The following PAX8 variants were observed in gnomAD, a reference collection of about 807,000 sequenced individuals.
PAX8 encodes the protein paired box protein Pax-8.
Under a neutral mutation model 52.4 loss-of-function variants are expected in PAX8, and 15 were observed. That is an observed-to-expected ratio of 0.29 (90% CI 0.19 to 0.44). The LOEUF is 0.44. Among genes scored for constraint, PAX8 ranks in the 20% least tolerant of loss-of-function variants. PAX8 has a pLI of 1.00. For synonymous variants in PAX8, 284 were observed against 249.7 expected, an observed-to-expected ratio of 1.14 and a Z score of -1.29; for missense variants, 554 against 602.5, an observed-to-expected ratio of 0.92 and a Z score of 0.84.
intron 2 of PAX8, chr2:113,267,330 C>G (rs979809818): frequency 6.6e-6 from 1 of 152,262 alleles, no homozygotes; most frequent in Non-Finnish European, 1.5e-5. Flanking sequence ...CTGTGAACCC[C>G]AGAGACCTAG....
chr2:113,251,830 C>T (rs905593804), intron 2 of PAX8, among the ~76,000 whole-genome samples: 8 of 152,168 alleles, frequency 5.3e-5, no homozygotes, highest in African/African-American at 1.9e-4. Flanking sequence ...TCCTATAGTC[C>T]TTTGCACAAA....
chr2:113,219,558 A>G (rs1319554276), intron 11 of PAX8, among the ~76,000 whole-genome samples: 1 of 152,196 alleles, frequency 6.6e-6, no homozygotes, highest in African/African-American at 2.4e-5. Context: ...CTCAGGCTAA[A>G]TATGGGGAAT....
chr2:113,230,982 C>T (rs1178409537), intron 9 of PAX8, among the ~76,000 whole-genome samples: 1 of 152,180 alleles, frequency 6.6e-6, no homozygotes. Context: ...CTCTAGCTCC[C>T]CCTACACCTT....
At chr2:113,235,031 G>A (rs919634056) in intron 9 of PAX8, among the ~76,000 whole-genome samples, 2 of 152,160 alleles carry the variant, frequency 1.3e-5, no homozygotes, top group African/African-American at 4.8e-5. Context: ...ATCCAGAAAT[G>A]GGCTCCAAAA....
intron 10 of PAX8, 28 bp downstream of exon 10, chr2:113,227,127 C>T (rs1371237571): frequency 3.9e-6 from 6 of 1,558,092 alleles, no homozygotes; most frequent in African/African-American, 2.7e-5. Context: ...CTTTGCAGTG[C>T]TCCCCTTCCT....
chr2:113,229,078 G>A (rs1014103711), intron 9 of PAX8, among the ~76,000 whole-genome samples: 2 of 152,174 alleles, frequency 1.3e-5, no homozygotes, highest in African/African-American at 4.8e-5. Context: ...AAGGGACATA[G>A]GCTGGGATAG....
intron 10 of PAX8, among the ~76,000 whole-genome samples, chr2:113,222,019 AAAACT>A (rs1689299411): frequency 1.3e-5 from 2 of 152,370 alleles, no homozygotes; most frequent in South Asian, 4.1e-4. Context: ...TAACAGATGA[AAAACT>A]AAGAAATAAT....
At chr2:113,274,755 T>G (rs1287564333) in intron 2 of PAX8, 1 of 152,226 alleles carries the variant, frequency 6.6e-6, no homozygotes, top group Non-Finnish European at 1.5e-5. Flanking sequence ...AATTGGCTCT[T>G]ACAAAAATGA....
At chr2:113,224,839 T>TAAAATAAA (rs1480934593) in intron 10 of PAX8, among the ~76,000 whole-genome samples, 14 of 143,634 alleles carry the variant, frequency 9.7e-5, no homozygotes, top group African/African-American at 3.4e-4. Flanking sequence ...TAAAATAAAA[T>TAAAATAAA]ATAAAATAAA....
At chr2:113,218,755 C>G in intron 11 of PAX8, 146 bp from the exon 12 acceptor site, 1 of 570,980 alleles carries the variant, frequency 1.8e-6, no homozygotes, top group East Asian at 3.0e-5. Context: ...AGATTAACTC[C>G]TCTCCAGCCC....
chr2:113,223,675 T>C (rs1205688188), intron 10 of PAX8, among the ~76,000 whole-genome samples: 4 of 152,234 alleles, frequency 2.6e-5, no homozygotes, highest in Non-Finnish European at 5.9e-5. Context: ...TCTAAAGTAG[T>C]TATCTCCTCT....
At chr2:113,226,975 A>G in intron 10 of PAX8, 180 bp downstream of exon 10, 1 of 1,514,600 alleles carries the variant, frequency 6.6e-7, no homozygotes, top group Non-Finnish European at 8.8e-7. Flanking sequence ...ATAGGGAGTC[A>G]GGACTGCACT....
chr2:113,235,109 A>G (rs1690165092), intron 9 of PAX8, among the ~76,000 whole-genome samples: 2 of 152,332 alleles, frequency 1.3e-5, no homozygotes, highest in South Asian at 4.1e-4. Flanking sequence ...ACCAAGGCCA[A>G]GTTGCTACGT....
chr2:113,235,117 C>T (rs745921842), intron 9 of PAX8, among the ~76,000 whole-genome samples: 1 of 152,224 alleles, frequency 6.6e-6, no homozygotes, highest in Admixed American at 6.5e-5. Context: ...CAAGTTGCTA[C>T]GTTACAGCAC....
At chr2:113,224,406 G>GTGTGGT (rs990587880) in intron 10 of PAX8, among the ~76,000 whole-genome samples, 5 of 152,072 alleles carry the variant, frequency 3.3e-5, no homozygotes, top group Non-Finnish European at 5.9e-5. Flanking sequence ...AATTAGCCAG[G>GTGTGGT]TGTGGTGGTG....
intron 11 of PAX8, 75 bp from the exon 12 acceptor site, chr2:113,218,684 C>T: frequency 1.1e-6 from 1 of 897,948 alleles, no homozygotes; most frequent in Non-Finnish European, 1.8e-6. Context: ...TTCCCTGCAT[C>T]TGCTGACCTT....
intron 2 of PAX8, chr2:113,270,462 C>G (rs1012746431): frequency 6.6e-6 from 1 of 152,164 alleles, no homozygotes; most frequent in African/African-American, 2.4e-5. Flanking sequence ...CCGGGCTTTG[C>G]CTTCTTCTTC....
chr2:113,227,524 C>T (rs561200145), intron 9 of PAX8, among the ~76,000 whole-genome samples: 10 of 152,338 alleles, frequency 6.6e-5, no homozygotes, highest in East Asian at 3.9e-4. Context: ...GTTTTGTTTA[C>T]GTGATTGTTA....
intron 4 of PAX8, among the ~76,000 whole-genome samples, chr2:113,243,740 ACTGT>A (rs1415795625): frequency 1.3e-5 from 2 of 152,188 alleles, no homozygotes; most frequent in Non-Finnish European, 2.9e-5. Context: ...CCTTTGCATA[ACTGT>A]CTGAGCTCTT....
Sources: gnomAD v4.1 joint callset for allele counts (sites outside exome capture counted in the v4.1 genomes callset) on GRCh38, gnomAD v4.1.1 for gene constraint, MANE v1.5 for transcripts, NCBI Gene and HGNC (gene_info 2026-07-23, HGNC 2026-07-21) for gene names.